SLC10A7: variants seen among roughly 807,000 people sequenced by gnomAD.
The protein encoded by SLC10A7 is solute carrier family 10 member 7, also known as sodium/bile acid cotransporter 7.
In SLC10A7, 29 loss-of-function variants were observed where a neutral mutation model predicts 43.2. The ratio of observed to expected loss-of-function variants is 0.67; its 90% confidence interval spans 0.50 to 0.92. The LOEUF (loss-of-function observed/expected upper bound fraction) is 0.92. SLC10A7 is among the 40% of genes least tolerant of loss of function. SLC10A7 has a pLI of 0.00. For synonymous variants in SLC10A7, 152 were observed against 144.8 expected (o/e 1.05, Z -0.35); for missense variants, 295 against 403.2 (o/e 0.73, Z 2.30).
In SLC10A7 at chr4:146,256,097, G is replaced by A. The variant is rs1332474186; in HGVS notation, c.*394C>T. ...AGTAAATCAAAGTATGCATGAATAA[G>A]ACTTTGGAAATTTTCACTGTCATCA... is the stretch of plus-strand genomic sequence containing the variant. On this transcript the variant is annotated 3_prime_UTR_variant, in exon 12 of 12. Transcript: ENST00000335472. 5.3e-6 allele frequency: 1 copy of A among 187,804 alleles called. No individual in the cohort carries two copies. Among genetic ancestry groups the A allele is most frequent in the Non-Finnish European group, 1.1e-5 (1 of 91,568 alleles). 11.6% of individuals were successfully genotyped at this position (187,804 alleles called of 1,614,324 possible). A position where few individuals can be genotyped will look rare whatever the true frequency, so the allele number is the denominator to read the frequency against.
At chr4:146,512,731 T>TC (rs1249560064) in intron 2 of SLC10A7, among the ~76,000 whole-genome samples, 1 of 152,208 alleles carries the variant, frequency 6.6e-6, no homozygotes, top group Non-Finnish European at 1.5e-5. Context: ...ACTACATATA[T>TC]CATTTGACCT....
intron 5 of SLC10A7, among the ~76,000 whole-genome samples, chr4:146,371,284 A>G (rs1736758203): frequency 6.6e-6 from 1 of 152,224 alleles, no homozygotes; most frequent in African/African-American, 2.4e-5. Context: ...TTGCATTATA[A>G]CATAGACACA....
intron 4 of SLC10A7, among the ~76,000 whole-genome samples, chr4:146,496,337 G>A (rs147154462): frequency 7.6e-4 from 116 of 152,166 alleles, no homozygotes; most frequent in African/African-American, 2.5e-3. Flanking sequence ...GAGTACTTTT[G>A]AGCTGACACA....
At chr4:146,260,949 C>T (rs960460198) in intron 10 of SLC10A7, among the ~76,000 whole-genome samples, 17 of 152,168 alleles carry the variant, frequency 1.1e-4, no homozygotes, top group Non-Finnish European at 5.9e-5. Flanking sequence ...GCTAGGGCTA[C>T]CCCAATAGTG....
At chr4:146,322,237 A>T (rs1337892981) in intron 6 of SLC10A7, among the ~76,000 whole-genome samples, 2 of 152,096 alleles carry the variant, frequency 1.3e-5, no homozygotes, top group Admixed American at 1.3e-4. Flanking sequence ...AATTATTATT[A>T]TACTTTAAGT....
chr4:146,327,949 C>A (rs761175463), intron 5 of SLC10A7, among the ~76,000 whole-genome samples: 3 of 152,172 alleles, frequency 2.0e-5, no homozygotes, highest in Non-Finnish European at 4.4e-5. Context: ...CAGGCACCGT[C>A]TGCAGACCAG....
intron 1 of SLC10A7, among the ~76,000 whole-genome samples, chr4:146,521,352 C>T (rs958574786): frequency 1.3e-5 from 2 of 152,150 alleles, no homozygotes; most frequent in African/African-American, 4.8e-5. Flanking sequence ...AAGTTTCATT[C>T]TCTGTAACCT....
chr4:146,343,068 T>C (rs1486612428), intron 5 of SLC10A7, among the ~76,000 whole-genome samples: 2 of 151,990 alleles, frequency 1.3e-5, no homozygotes, highest in East Asian at 3.9e-4. Context: ...GGCATGCTTG[T>C]CAATCAACTA....
chr4:146,353,086 A>G (rs1458508415), intron 5 of SLC10A7, among the ~76,000 whole-genome samples: 1 of 151,530 alleles, frequency 6.6e-6, no homozygotes, highest in Admixed American at 6.6e-5. Flanking sequence ...CAAAAAATCA[A>G]TGAATCCAGG....
At position 146,487,898 on chromosome 4, in the gene SLC10A7, A is replaced by T. The variant is rs571548287; in HGVS notation, c.396+15951T>A. On this transcript the variant is annotated intron_variant, in intron 4 of 11. Transcript: ENST00000335472. Reference sequence around the variant, plus strand: ...AGCAACACCCTTTCTCTACAAAATTAAAAAAAAAAAATTAGACAGGCATAG... The same window carrying T: ...AGCAACACCCTTTCTCTACAAAATTTAAAAAAAAAAATTAGACAGGCATAG... 8.9e-5 allele frequency among the ~76,000 whole-genome samples: 13 copies of T among 146,582 alleles called. No homozygotes were observed. The East Asian group carries it at 2.6e-3, about 29-fold the overall frequency.
chr4:146,283,163 G>T, intron 10 of SLC10A7, 29 bp downstream of exon 10: 1 of 1,537,370 alleles, frequency 6.5e-7, no homozygotes, highest in Non-Finnish European at 9.0e-7. Context: ...GAGGGTAATA[G>T]GTGGTTTTTA....
intron 5 of SLC10A7, among the ~76,000 whole-genome samples, chr4:146,358,270 T>C (rs1291036474): frequency 6.6e-6 from 1 of 152,104 alleles, no homozygotes; most frequent in Non-Finnish European, 1.5e-5. Flanking sequence ...AAGAAACTTA[T>C]AATTCTCCTT....
intron 7 of SLC10A7, among the ~76,000 whole-genome samples, chr4:146,300,712 C>T (rs1440956387): frequency 6.6e-6 from 1 of 152,104 alleles, no homozygotes; most frequent in Non-Finnish European, 1.5e-5. Context: ...AGAAATATGG[C>T]TTTTCTTTAA....
intron 6 of SLC10A7, among the ~76,000 whole-genome samples, chr4:146,316,185 T>C (rs182823634): frequency 2.6e-5 from 4 of 152,176 alleles, no homozygotes; most frequent in Admixed American, 1.3e-4. Flanking sequence ...CTGAGGAAGA[T>C]ATACTGAGAA....
At chr4:146,290,976 C>T in intron 9 of SLC10A7, among the ~76,000 whole-genome samples, 1 of 152,174 alleles carries the variant, frequency 6.6e-6, no homozygotes, top group East Asian at 1.9e-4. Context: ...TATGAAAGTC[C>T]AGTCTACTCC....
intron 5 of SLC10A7, among the ~76,000 whole-genome samples, chr4:146,384,869 C>T (rs910250352): frequency 2.6e-5 from 4 of 151,940 alleles, no homozygotes; most frequent in Non-Finnish European, 4.4e-5. Context: ...TACATTTATA[C>T]ACTGCTTTTT....
At chr4:146,283,759 T>C (rs1729699629) in intron 9 of SLC10A7, among the ~76,000 whole-genome samples, 1 of 152,182 alleles carries the variant, frequency 6.6e-6, no homozygotes, top group African/African-American at 2.4e-5. Flanking sequence ...GTATCATGTA[T>C]AGGCATTTCT....
chr4:146,353,236 C>T (rs867554911), intron 5 of SLC10A7, among the ~76,000 whole-genome samples: 1,377 of 78,122 alleles, frequency 0.018, 54 homozygotes, highest in African/African-American at 0.07. Context: ...ATACAAACTA[C>T]CATCAGAGAA....
chr4:146,492,854 T>C (rs968357607), intron 4 of SLC10A7, among the ~76,000 whole-genome samples: 3 of 152,116 alleles, frequency 2.0e-5, no homozygotes, highest in Admixed American at 6.5e-5. Context: ...TGTTTTTTTT[T>C]CCCAAAATAT....
Sources: gnomAD v4.1 joint callset for allele counts (sites outside exome capture counted in the v4.1 genomes callset) on GRCh38, gnomAD v4.1.1 for gene constraint, MANE v1.5 for transcripts, NCBI Gene and HGNC (gene_info 2026-07-23, HGNC 2026-07-21) for gene names.